RORA: variants seen among roughly 807,000 people sequenced by gnomAD.
The protein encoded by RORA is RAR related orphan receptor A.
A neutral mutation model predicts 69.5 loss-of-function variants in RORA; 7 were observed. The observed-to-expected ratio is 0.10, with a 90% CI of 0.06 to 0.19. The LOEUF (loss-of-function observed/expected upper bound fraction) is 0.19, where lower values mean the gene tolerates loss of function less well. RORA is among the 10% of genes least tolerant of loss of function. The probability of loss-of-function intolerance (pLI) is 1.00; values close to 1 mark genes in which losing one functional copy is unlikely to be tolerated. For missense variants in RORA, 457 were observed against 663.0 expected (o/e 0.69, Z 3.41); for synonymous variants, 261 against 240.8 (o/e 1.08, Z -0.78).
At chr15:60,672,204 C>T (rs1314125353) in intron 2 of RORA, among the ~76,000 whole-genome samples, 1 of 152,124 alleles carries the variant, frequency 6.6e-6, no homozygotes, top group East Asian at 1.9e-4. Flanking sequence ...GTTCTTCAAG[C>T]TTAGAAGCCT....
chr15:61,185,332 T>C (rs1419116652), intron 1 of RORA, among the ~76,000 whole-genome samples: 2 of 152,114 alleles, frequency 1.3e-5, no homozygotes, highest in Non-Finnish European at 2.9e-5. Flanking sequence ...CCTATGAGCA[T>C]TAATGTTCAA....
chr15:60,929,290 C>G (rs1208005366), intron 1 of RORA, among the ~76,000 whole-genome samples: 1 of 152,126 alleles, frequency 6.6e-6, no homozygotes, highest in African/African-American at 2.4e-5. Flanking sequence ...CCTCCCTCCC[C>G]CTATCAAAAT....
chr15:60,600,325 T>A lies in RORA; in HGVS notation c.197-68474A>T, dbSNP rs576848328. ...ATTTTGCTTTCACAGGGAAAATATG[T>A]TCCTGTTCAGTCAAGCAAAGTAATC... On this transcript the variant is annotated intron_variant, in intron 2 of 10. Transcript: ENST00000335670. 4.3e-4 allele frequency among the ~76,000 whole-genome samples: 66 copies of A among 152,336 alleles called. 1 individual carries two copies. Among genetic ancestry groups the A allele is most frequent in the Admixed American group, 5.2e-4 (8 of 15,300 alleles).
intron 1 of RORA, among the ~76,000 whole-genome samples, chr15:61,000,606 T>G (rs1299489760): frequency 6.6e-6 from 1 of 152,136 alleles, no homozygotes; most frequent in African/African-American, 2.4e-5. Flanking sequence ...GAACAGAAGC[T>G]GCTAACCTGA....
In RORA at chr15:60,489,040, A is replaced by G. The variant is rs1248595345; in HGVS notation, c.*8415T>C. 2 of 152,206 alleles carry G rather than the reference A, an allele frequency of 1.3e-5. No homozygotes were observed. Among genetic ancestry groups the G allele is most frequent in the Admixed American group, 1.3e-4 (2 of 15,280 alleles). The allele number at this position is 152,206 out of a possible 1,614,324, so 9.4% of individuals were successfully genotyped here. A position where few individuals can be genotyped will look rare whatever the true frequency, so the allele number is the denominator to read the frequency against. On this transcript the variant is annotated 3_prime_UTR_variant, in exon 11 of 11. Transcript: ENST00000335670. ...TGTCAAATGCTGACATGTGCTAGCC[A>G]TTGTGCAGACGCAAAAAGATACAAT...
chr15:61,066,416 TC>T (rs1368960735), intron 1 of RORA, among the ~76,000 whole-genome samples: 7 of 147,194 alleles, frequency 4.8e-5, no homozygotes, highest in East Asian at 2.0e-4. Flanking sequence ...CAGGGCATAT[TC>T]CTTTTTTTTT....
At chr15:61,006,792 C>T (rs981423857) in intron 1 of RORA, among the ~76,000 whole-genome samples, 3 of 152,074 alleles carry the variant, frequency 2.0e-5, no homozygotes, top group Admixed American at 6.5e-5. Context: ...TCCCTACTCT[C>T]GTAAGTTCTA....
intron 2 of RORA, among the ~76,000 whole-genome samples, chr15:60,643,754 G>A (rs1051600839): frequency 3.9e-5 from 6 of 152,148 alleles, no homozygotes; most frequent in African/African-American, 1.4e-4. Context: ...GCATGAAAAT[G>A]AGCCCATTTT....
chr15:60,807,144 A>G (rs1595729890), intron 1 of RORA, among the ~76,000 whole-genome samples: 2 of 152,262 alleles, frequency 1.3e-5, no homozygotes, highest in Non-Finnish European at 2.9e-5. Context: ...TGATGATATG[A>G]TCCTGTACCT....
At chr15:60,685,288 G>A (rs1292380212) in intron 1 of RORA, among the ~76,000 whole-genome samples, 1 of 152,174 alleles carries the variant, frequency 6.6e-6, no homozygotes, top group Non-Finnish European at 1.5e-5. Context: ...TCCTGGATCC[G>A]CTGTGCTCTC....
chr15:61,057,877 A>G (rs895307227), intron 1 of RORA, among the ~76,000 whole-genome samples: 3 of 152,234 alleles, frequency 2.0e-5, no homozygotes, highest in Non-Finnish European at 4.4e-5. Context: ...CCTCCTGGAA[A>G]AAAGACCACT....
At chr15:61,019,949 C>T (rs1009666237) in intron 1 of RORA, among the ~76,000 whole-genome samples, 1 of 152,168 alleles carries the variant, frequency 6.6e-6, no homozygotes, top group Non-Finnish European at 1.5e-5. Context: ...CCTCTGACCT[C>T]CGCTCTTCTC....
chr15:60,973,267 T>C (rs1294987394), intron 1 of RORA, among the ~76,000 whole-genome samples: 2 of 152,120 alleles, frequency 1.3e-5, no homozygotes, highest in African/African-American at 2.4e-5. Flanking sequence ...GAACCCTCAT[T>C]CTAGTCTACA....
chr15:60,567,017 T>C (rs1167477386), intron 2 of RORA, among the ~76,000 whole-genome samples: 1 of 152,204 alleles, frequency 6.6e-6, no homozygotes, highest in Non-Finnish European at 1.5e-5. Flanking sequence ...AGAGCTCATC[T>C]GTCCAATGTT....
At chr15:60,812,514 A>T (rs556238862) in intron 1 of RORA, among the ~76,000 whole-genome samples, 3 of 152,334 alleles carry the variant, frequency 2.0e-5, no homozygotes, top group African/African-American at 7.2e-5. Context: ...TGTGTCTAAA[A>T]ATAAATAAAT....
intron 1 of RORA, among the ~76,000 whole-genome samples, chr15:61,158,526 C>A (rs541053559): frequency 6.6e-6 from 1 of 152,318 alleles, no homozygotes; most frequent in East Asian, 1.9e-4. Context: ...TAGGTGGCTG[C>A]CAACCTTTGC....
intron 1 of RORA, among the ~76,000 whole-genome samples, chr15:61,042,657 T>C (rs1214023711): frequency 2.0e-5 from 3 of 152,228 alleles, no homozygotes; most frequent in African/African-American, 7.2e-5. Flanking sequence ...GATAACTCAA[T>C]AGCGGATGAT....
rs188723240 is a variant in RORA at position 60,531,720 on chromosome 15, A to G, written c.282+46T>C. ...GGAGACATACAAATCACAAAGATAT[A>G]TTCTAACAAACATTAATAGAAACAA... On this transcript the variant is annotated intron_variant, in intron 3 of 10. Coordinates refer to ENST00000335670, the MANE Select transcript of RORA (RefSeq NM_134261.3). The surrounding 1 kb of genome is among the most constrained non-coding windows in gnomAD (Gnocchi z 4.8). The G allele has an allele frequency of 1.8e-5, 19 of 1,066,482 alleles. No individual in the cohort carries two copies. The Admixed American group carries it at 4.0e-4, about 22-fold the overall frequency. The allele number at this position is 1,066,482 out of a possible 1,614,324, so 66.1% of individuals were successfully genotyped here. A position where few individuals can be genotyped will look rare whatever the true frequency, so the allele number is the denominator to read the frequency against.
At chr15:60,920,965 G>A (rs2062093) in intron 1 of RORA, among the ~76,000 whole-genome samples, 1 of 151,928 alleles carries the variant, frequency 6.6e-6, no homozygotes, top group Non-Finnish European at 1.5e-5. Flanking sequence ...TGGGGCTCAT[G>A]ATCAACCCAG....
Sources: gnomAD v4.1 joint callset for allele counts (sites outside exome capture counted in the v4.1 genomes callset) on GRCh38, gnomAD v4.1.1 for gene constraint, Gnocchi (gnomAD v3.1) non-coding constraint, MANE v1.5 for transcripts, NCBI Gene and HGNC (gene_info 2026-07-23, HGNC 2026-07-21) for gene names.